Variants in ROBO2 observed in about 807,000 individuals in gnomAD.
The protein encoded by ROBO2 is roundabout guidance receptor 2.
ROBO2 carries 53 observed loss-of-function variants against 160.8 expected under a neutral mutation model. The ratio of observed to expected loss-of-function variants is 0.33; its 90% CI spans 0.26 to 0.41. The LOEUF is 0.41. ROBO2 is among the 10% of genes least tolerant of loss of function. The pLI, the probability that ROBO2 is intolerant of heterozygous loss-of-function variation, is 1.00. For synonymous variants in ROBO2, 664 were observed against 611.7 expected, an observed-to-expected ratio of 1.09 and a Z score of -1.26; for missense variants, 1,577 against 1,722.4, an observed-to-expected ratio of 0.92 and a Z score of 1.49.
intron 2 of ROBO2, among the ~76,000 whole-genome samples, chr3:75,981,896 C>T (rs924839835): frequency 6.6e-6 from 1 of 151,256 alleles, no homozygotes; most frequent in African/African-American, 2.4e-5. Context: ...TAACAATCTC[C>T]ACCCTCTGCC....
chr3:76,852,969 C>T lies in ROBO2; in HGVS notation c.110-245045C>T, dbSNP rs1414074193. Among the ~76,000 whole-genome samples, 8 of 152,162 alleles carry T rather than the reference C, an allele frequency of 5.3e-5. No homozygotes were observed. In the South Asian group the frequency reaches 8.3e-4, roughly 16 times the overall value. ...AACTTAGTTATTAAGGGATTGTGTA[C>T]ATTCAAAAAGATGATATCTTAGTGA... On this transcript the variant is annotated intron_variant, in intron 2 of 26. Coordinates refer to the ROBO2 transcript ENST00000487694.
At chr3:76,953,168 C>G (rs912679846) in intron 2 of ROBO2, among the ~76,000 whole-genome samples, 3 of 152,166 alleles carry the variant, frequency 2.0e-5, no homozygotes, top group Non-Finnish European at 4.4e-5. Context: ...GTTGACTTTG[C>G]TAACCTCAGC....
intron 2 of ROBO2, among the ~76,000 whole-genome samples, chr3:76,456,838 C>T (rs2077786092): frequency 6.6e-6 from 1 of 152,128 alleles, no homozygotes; most frequent in Non-Finnish European, 1.5e-5. Flanking sequence ...GCACTTCTTA[C>T]ATGGTGGCAG....
intron 2 of ROBO2, among the ~76,000 whole-genome samples, chr3:77,366,865 A>C (rs1385424846): frequency 1.3e-5 from 2 of 150,322 alleles, no homozygotes; most frequent in Non-Finnish European, 1.5e-5. Context: ...TAGTTCTTTC[A>C]GGAATTAATA....
chr3:77,116,730 G>A (rs1363575444), intron 2 of ROBO2, among the ~76,000 whole-genome samples: 6 of 152,128 alleles, frequency 3.9e-5, no homozygotes, highest in African/African-American at 9.7e-5. Context: ...CTTTGGCTAC[G>A]GTTCTTGTCT....
intron 1 of ROBO2, among the ~76,000 whole-genome samples, chr3:77,070,834 A>T (rs1262267021): frequency 6.6e-6 from 1 of 152,106 alleles, no homozygotes; most frequent in African/African-American, 2.4e-5. Flanking sequence ...ATGGACTGTG[A>T]TGGGGAAAGA....
intron 11 of ROBO2, 43 bp downstream of exon 12, chr3:77,563,372 C>G (rs376488156): frequency 5.7e-6 from 9 of 1,578,876 alleles, no homozygotes; most frequent in Non-Finnish European, 6.1e-6. Flanking sequence ...TTTGTCTTAG[C>G]TCCTTTATTC....
Position 77,294,407 on chromosome 3 carries a change from A to T in ROBO2, c.389-183007A>T, listed in dbSNP as rs1419289339. The stretch of plus-strand genomic sequence containing the variant: ...TAGGTCACCAAAGACATAAAGTAAA[A>T]TTAATGGTAAAACGGGAAGTTGAGC... On this transcript the variant is annotated intron_variant, in intron 2 of 25. Coordinates refer to ENST00000461745, the Ensembl canonical transcript of ROBO2. Among the ~76,000 whole-genome samples, 2 of 138,666 alleles carry T rather than the reference A, an allele frequency of 1.4e-5. 1 individual carries two copies. The highest frequency in any genetic ancestry group is 3.0e-5 in the Non-Finnish European group (2 of 65,642). 91.0% of individuals were successfully genotyped at this position (138,666 alleles called of 152,430 possible).
intron 2 of ROBO2, among the ~76,000 whole-genome samples, chr3:76,147,558 C>T (rs966332445): frequency 6.6e-6 from 1 of 151,956 alleles, no homozygotes; most frequent in African/African-American, 2.4e-5. Flanking sequence ...TCAGCAACCC[C>T]CAACTCTACT....
At position 77,098,453 on chromosome 3, in the gene ROBO2, A is replaced by C. The variant is rs981655148; in HGVS notation, c.388+113A>C. 17 of 1,084,464 alleles carry C rather than the reference A, an allele frequency of 1.6e-5. No individual in the cohort carries two copies. The Admixed American group carries it at 1.8e-4, about 11-fold the overall frequency. 67.2% of individuals were successfully genotyped at this position (1,084,464 alleles called of 1,614,324 possible). ...AAAGAATCAATCAACACACTGCATA[A>C]TTTTACTTGGTCTTCTTCAGAGAAG... On this transcript the variant is annotated intron_variant, in intron 2 of 25. Transcript: ENST00000461745.
At chr3:76,777,540 A>G (rs2108568278) in intron 2 of ROBO2, among the ~76,000 whole-genome samples, 1 of 151,236 alleles carries the variant, frequency 6.6e-6, no homozygotes, top group East Asian at 2.0e-4. Flanking sequence ...GCATAAAACA[A>G]AATGTTTTTT....
At chr3:77,463,749 T>G (rs2082480041) in intron 2 of ROBO2, among the ~76,000 whole-genome samples, 1 of 152,080 alleles carries the variant, frequency 6.6e-6, no homozygotes, top group South Asian at 2.1e-4. Context: ...CCTGGCTAAT[T>G]TTTGTATTTT....
intron 2 of ROBO2, among the ~76,000 whole-genome samples, chr3:76,496,120 T>G (rs972612575): frequency 3.3e-5 from 5 of 152,216 alleles, no homozygotes; most frequent in African/African-American, 4.8e-5. Context: ...ATAATTTTCA[T>G]TTCGAGATTG....
At chr3:76,755,047 A>G (rs1239158152) in intron 2 of ROBO2, among the ~76,000 whole-genome samples, 5 of 151,850 alleles carry the variant, frequency 3.3e-5, no homozygotes, top group Admixed American at 3.3e-4. Flanking sequence ...AAATTCATCC[A>G]TGAGGTAATT....
chr3:77,096,432 ATTTCT>A (rs1314884318), intron 1 of ROBO2, among the ~76,000 whole-genome samples: 4 of 150,036 alleles, frequency 2.7e-5, no homozygotes, highest in East Asian at 1.9e-4. Context: ...TTCTCTTCCT[ATTTCT>A]TTTCTTTTCT....
At chr3:77,008,901 A>G (rs948738489) in intron 2 of ROBO2, among the ~76,000 whole-genome samples, 2 of 152,200 alleles carry the variant, frequency 1.3e-5, no homozygotes, top group Admixed American at 6.5e-5. Context: ...TACATATGAT[A>G]CAAAGCAGAA....
intron 2 of ROBO2, chr3:76,434,084 C>T: frequency 3.9e-6 from 5 of 1,295,304 alleles, no homozygotes; most frequent in Non-Finnish European, 5.6e-6. Context: ...GGCAGTATCC[C>T]ATACCTCTGA....
intron 23 of ROBO2, among the ~76,000 whole-genome samples, chr3:77,623,089 A>G (rs1184441478): frequency 6.6e-6 from 1 of 152,234 alleles, no homozygotes; most frequent in Admixed American, 6.5e-5. Flanking sequence ...GGACTAAGGT[A>G]TAACCTATTT....
At chr3:75,960,017 A>T (rs1442296983) in intron 2 of ROBO2, among the ~76,000 whole-genome samples, 1 of 151,800 alleles carries the variant, frequency 6.6e-6, no homozygotes, top group Non-Finnish European at 1.5e-5. Context: ...AAAGAGTTTA[A>T]TGATTGCAGG....
Sources: allele counts gnomAD v4.1 joint callset (sites outside exome capture counted in the v4.1 genomes callset), GRCh38; gene constraint gnomAD v4.1.1; transcripts MANE v1.5; gene names NCBI Gene and HGNC (gene_info 2026-07-23, HGNC 2026-07-21).